The following NTRK2 variants were observed in gnomAD, a reference collection of about 807,000 sequenced individuals.
The protein encoded by NTRK2 is neurotrophic receptor tyrosine kinase 2.
A neutral mutation model predicts 94.5 loss-of-function variants in NTRK2; 13 were observed. That is an observed-to-expected ratio of 0.14 (90% confidence interval 0.09 to 0.22). NTRK2 has a LOEUF of 0.22. NTRK2 is among the 10% of genes least tolerant of loss of function. The probability of loss-of-function intolerance (pLI) is 1.00; values close to 1 mark genes in which losing one functional copy is unlikely to be tolerated. For synonymous variants in NTRK2, 372 were observed against 407.4 expected (o/e 0.91, Z 1.05); for missense variants, 639 against 1,071.2 (o/e 0.60, Z 5.63).
chr9:84,954,820 T>C (rs141105147), intron 16 of NTRK2, among the ~76,000 whole-genome samples: 1 of 152,144 alleles, frequency 6.6e-6, no homozygotes, highest in Non-Finnish European at 1.5e-5. Flanking sequence ...CCTGGCTAGG[T>C]GGGAAGGGGT....
intron 14 of NTRK2, among the ~76,000 whole-genome samples, chr9:84,907,392 A>G (rs1235875662): frequency 2.6e-5 from 4 of 152,260 alleles, no homozygotes; most frequent in Non-Finnish European, 4.4e-5. Flanking sequence ...TGCATATGGA[A>G]TCTCACTTGG....
At chr9:84,847,468 C>T (rs1191136593) in intron 12 of NTRK2, among the ~76,000 whole-genome samples, 1 of 152,140 alleles carries the variant, frequency 6.6e-6, no homozygotes, top group Non-Finnish European at 1.5e-5. Flanking sequence ...TGGCCAGGAT[C>T]CATCTTTTGG....
intron 17 of NTRK2, among the ~76,000 whole-genome samples, chr9:84,991,528 C>A (rs1392394988): frequency 6.6e-6 from 1 of 152,158 alleles, no homozygotes; most frequent in Admixed American, 6.5e-5. Flanking sequence ...ACCACATCAT[C>A]CCCCAAACCA....
chr9:84,939,382 A>G (rs1319800303), intron 15 of NTRK2, among the ~76,000 whole-genome samples: 4 of 152,204 alleles, frequency 2.6e-5, no homozygotes, highest in Admixed American at 1.3e-4. Context: ...TCAATGTCAG[A>G]CCTAGGACTT....
chr9:84,910,359 CTTGTCTT>C (rs1461550420), intron 14 of NTRK2, among the ~76,000 whole-genome samples: 1 of 152,126 alleles, frequency 6.6e-6, no homozygotes, highest in African/African-American at 2.4e-5. Context: ...TCCCTTGTCT[CTTGTCTT>C]CTTATGGCTG....
intron 12 of NTRK2, among the ~76,000 whole-genome samples, chr9:84,758,682 C>T (rs541582913): frequency 5.3e-5 from 8 of 152,324 alleles, no homozygotes; most frequent in African/African-American, 1.9e-4. Flanking sequence ...TGAGCCACCG[C>T]ACCCGGCCTT....
At chr9:84,981,497 G>A (rs139426469) in intron 17 of NTRK2, among the ~76,000 whole-genome samples, 1 of 152,006 alleles carries the variant, frequency 6.6e-6, no homozygotes, top group East Asian at 1.9e-4. Flanking sequence ...AGTTACTTGT[G>A]TATATATGAT....
chr9:84,945,716 G>A (rs1451823588), intron 15 of NTRK2, among the ~76,000 whole-genome samples: 5 of 152,074 alleles, frequency 3.3e-5, no homozygotes, highest in South Asian at 2.1e-4. Context: ...CCCAGGTTCC[G>A]GCCACTGTTC....
intron 17 of NTRK2, 142 bp from the exon 18 acceptor site, chr9:85,020,063 GA>G (rs1832649431): frequency 1.2e-6 from 1 of 844,314 alleles, no homozygotes; most frequent in African/African-American, 1.7e-5. Context: ...AGACTGTGAA[GA>G]AGTCATATAT....
chr9:84,763,156 T>C (rs1424113921), intron 12 of NTRK2, among the ~76,000 whole-genome samples: 2 of 152,156 alleles, frequency 1.3e-5, no homozygotes, highest in Admixed American at 1.3e-4. Flanking sequence ...CCCTACTTTA[T>C]TACTCTTGTG....
chr9:84,834,062 C>A (rs2073731330), intron 12 of NTRK2, among the ~76,000 whole-genome samples: 1 of 152,108 alleles, frequency 6.6e-6, no homozygotes, highest in Admixed American at 6.5e-5. Flanking sequence ...TATACTGTCA[C>A]CTGCCTAAAA....
chr9:84,863,433 A>G (rs1450517208), intron 13 of NTRK2, among the ~76,000 whole-genome samples: 1 of 152,216 alleles, frequency 6.6e-6, no homozygotes, highest in Non-Finnish European at 1.5e-5. Context: ...AAAACTTTAT[A>G]TGAATATTAT....
intron 12 of NTRK2, among the ~76,000 whole-genome samples, chr9:84,781,155 A>G (rs1372524899): frequency 2.0e-5 from 3 of 152,188 alleles, no homozygotes; most frequent in East Asian, 1.9e-4. Context: ...CCGGTGTCCA[A>G]ACCTTATGTG....
chr9:84,844,991 C>T (rs1374243952), intron 12 of NTRK2, among the ~76,000 whole-genome samples: 1 of 151,912 alleles, frequency 6.6e-6, no homozygotes, highest in South Asian at 2.1e-4. Flanking sequence ...AAAGGAACAA[C>T]ACTTTTACAC....
chr9:85,008,450 A>G (rs112443723), intron 17 of NTRK2, among the ~76,000 whole-genome samples: 4 of 152,164 alleles, frequency 2.6e-5, no homozygotes, highest in African/African-American at 9.7e-5. Flanking sequence ...GCATGACTGT[A>G]TAAACACGAA....
chr9:84,755,591 C>T (rs1819120949), intron 12 of NTRK2, among the ~76,000 whole-genome samples: 1 of 118,436 alleles, frequency 8.4e-6, no homozygotes, highest in South Asian at 2.9e-4. Flanking sequence ...GATAAGAGAT[C>T]AGTTTGTCCC....
At chr9:84,894,304 A>C (rs994008771) in intron 14 of NTRK2, among the ~76,000 whole-genome samples, 2 of 152,196 alleles carry the variant, frequency 1.3e-5, no homozygotes, top group Non-Finnish European at 2.9e-5. Flanking sequence ...AACGCGACAC[A>C]GTTCGTATAA....
intron 17 of NTRK2, among the ~76,000 whole-genome samples, chr9:85,006,365 CT>C (rs1830959327): frequency 6.6e-6 from 1 of 152,132 alleles, no homozygotes; most frequent in African/African-American, 2.4e-5. Context: ...AGTTAGACCT[CT>C]TTTTATTAAG....
intron 17 of NTRK2, among the ~76,000 whole-genome samples, chr9:84,981,595 A>T (rs1403896894): frequency 6.6e-6 from 1 of 152,184 alleles, no homozygotes. Context: ...CTTTATAATA[A>T]CTGAAAGCTG....
Sources: gnomAD v4.1 joint callset for allele counts (sites outside exome capture counted in the v4.1 genomes callset) on GRCh38, gnomAD v4.1.1 for gene constraint, MANE v1.5 for transcripts, NCBI Gene and HGNC (gene_info 2026-07-23, HGNC 2026-07-21) for gene names.